Variants in WWC1 observed in about 807,000 individuals in gnomAD.
The protein encoded by WWC1 is protein KIBRA.
Under a neutral mutation model 138.4 loss-of-function variants are expected in WWC1, and 55 were observed. That is an observed-to-expected ratio of 0.40 (90% CI 0.32 to 0.50). The LOEUF is 0.50. Ranked by LOEUF, WWC1 falls within the 20% of genes least tolerant of loss-of-function variation. The pLI is 0.72. For synonymous variants in WWC1, 524 were observed against 564.9 expected (o/e 0.93, Z 1.03); for missense variants, 1,226 against 1,420.4 (o/e 0.86, Z 2.20).
At chr5:168,406,835 G>A (rs1016076154) in intron 6 of WWC1, among the ~76,000 whole-genome samples, 3 of 151,966 alleles carry the variant, frequency 2.0e-5, no homozygotes, top group Non-Finnish European at 2.9e-5. Context: ...CCAGCTACTC[G>A]GGAGGCTGAG....
At chr5:168,398,403 A>T (rs1330925919) in intron 4 of WWC1, among the ~76,000 whole-genome samples, 1 of 152,172 alleles carries the variant, frequency 6.6e-6, no homozygotes. Flanking sequence ...CCAAGCTGTC[A>T]CCTGCATTTT....
intron 1 of WWC1, among the ~76,000 whole-genome samples, chr5:168,343,497 G>A (rs150134147): frequency 2.3e-3 from 350 of 152,276 alleles, no homozygotes; most frequent in African/African-American, 7.8e-3. Flanking sequence ...GCAGCAGCAC[G>A]CAGAGCTGGT....
At position 168,333,779 on chromosome 5, in the gene WWC1, A is replaced by G. The variant is rs1773227951; in HGVS notation, c.120-37645A>G. 2.6e-5 allele frequency among the ~76,000 whole-genome samples: 4 copies of G among 152,214 alleles called. No individual in the cohort carries two copies. The South Asian group carries it at 8.3e-4, about 32-fold the overall frequency. ...GGACTTAGGAATTGCTATCCCTTCT[A>G]TGCTGAGGACTCAGAAATTGCTATC... On this transcript the variant is annotated intron_variant, in intron 1 of 22. Coordinates refer to ENST00000265293, the MANE Select transcript of WWC1 (RefSeq NM_015238.3).
intron 1 of WWC1, among the ~76,000 whole-genome samples, chr5:168,324,155 G>T (rs1443581198): frequency 6.6e-6 from 1 of 152,204 alleles, no homozygotes; most frequent in Non-Finnish European, 1.5e-5. Flanking sequence ...ATTTTTCAGG[G>T]CCAGGTGCAG....
intron 1 of WWC1, among the ~76,000 whole-genome samples, chr5:168,342,908 G>C (rs1272413012): frequency 2.0e-5 from 3 of 152,156 alleles, no homozygotes; most frequent in Admixed American, 2.0e-4. Flanking sequence ...GTTTATCCAA[G>C]TGCCCACCAC....
At chr5:168,442,838 G>GAAA (rs201792324) in intron 16 of WWC1, among the ~76,000 whole-genome samples, 1 of 81,996 alleles carries the variant, frequency 1.2e-5, no homozygotes, top group South Asian at 3.4e-4. Flanking sequence ...CTCCATCTCA[G>GAAA]AAAAAAAAAA....
intron 3 of WWC1, among the ~76,000 whole-genome samples, chr5:168,394,885 A>G (rs1184294497): frequency 1.3e-5 from 2 of 152,174 alleles, no homozygotes; most frequent in African/African-American, 2.4e-5. Context: ...GTGCACTTCT[A>G]TGTATGTATT....
chr5:168,349,068 G>A (rs1360466454), intron 1 of WWC1, among the ~76,000 whole-genome samples: 2 of 152,126 alleles, frequency 1.3e-5, no homozygotes, highest in Non-Finnish European at 2.9e-5. Flanking sequence ...TTCAAGAGCT[G>A]GCAGGTGACA....
intron 1 of WWC1, among the ~76,000 whole-genome samples, chr5:168,304,188 A>G (rs1186751283): frequency 6.6e-6 from 1 of 152,156 alleles, no homozygotes; most frequent in East Asian, 1.9e-4. Context: ...AACTTTCTCT[A>G]TAGTTACAGA....
intron 1 of WWC1, among the ~76,000 whole-genome samples, chr5:168,334,280 G>A (rs996973861): frequency 6.6e-6 from 1 of 151,842 alleles, no homozygotes; most frequent in African/African-American, 2.4e-5. Context: ...TGGCTCACAG[G>A]ACACTCAACA....
rs940052998 is a variant in WWC1 at position 168,299,782 on chromosome 5, G to A, written c.119+7511G>A. Among the ~76,000 whole-genome samples the A allele has an allele frequency of 6.6e-5, 10 of 152,182 alleles. No homozygotes were observed. The East Asian group carries it at 7.7e-4, about 12-fold the overall frequency. On this transcript the variant is annotated intron_variant, in intron 1 of 22. Transcript: ENST00000265293. ...TAAGTGTGAGTCGAAGGTGGCCACC[G>A]TCTTGCTGCACGGTTCCCTCAGTGG... is the stretch of plus-strand genomic sequence containing the variant.
At position 168,423,686 on chromosome 5, in the gene WWC1, G is replaced by A. The variant is rs1368213369; in HGVS notation, c.1428G>A (p.Glu476=). Residue 476 remains glutamate, a synonymous_variant, in exon 11 of 23, where the codon GAG becomes GAA. Coordinates refer to ENST00000265293, the MANE Select transcript of WWC1 (RefSeq NM_015238.3). The part of the protein sequence containing the change: ...YYDPFEQLDS[E]LQSKVEFLLL... ...ACCCCTTTGAGCAGCTGGACTCAGAGCTGCAGAGCAAGGTGGAGTTCCTGC... is the reference window on the plus strand; with the variant it reads ...ACCCCTTTGAGCAGCTGGACTCAGAACTGCAGAGCAAGGTGGAGTTCCTGC... The A allele has an allele frequency of 1.2e-6, 2 of 1,614,216 alleles. No individual in the cohort carries two copies. The highest frequency in any genetic ancestry group is 1.7e-5 in the Admixed American group (1 of 60,028).
chr5:168,415,268 GGCTGCCAGAGCT>G (rs1442977031), intron 9 of WWC1: 1 of 152,152 alleles, frequency 6.6e-6, no homozygotes, highest in Non-Finnish European at 1.5e-5. Context: ...GCAGGCCTCG[GGCTGCCAGAGCT>G]GCCTGTACTT....
intron 1 of WWC1, among the ~76,000 whole-genome samples, chr5:168,344,561 TC>T (rs1774316823): frequency 6.6e-6 from 1 of 152,220 alleles, no homozygotes; most frequent in African/African-American, 2.4e-5. Context: ...GTACACAGTT[TC>T]CTGAACTAAC....
At chr5:168,442,672 A>C (rs6555811) in intron 16 of WWC1, among the ~76,000 whole-genome samples, 9,921 of 151,472 alleles carry the variant, frequency 0.065, 530 homozygotes, top group East Asian at 0.18. Context: ...CCCTGTCTCT[A>C]CTAAAATTCT....
intron 15 of WWC1, among the ~76,000 whole-genome samples, chr5:168,437,608 C>T (rs1475533001): frequency 6.6e-6 from 1 of 152,166 alleles, no homozygotes; most frequent in East Asian, 1.9e-4. Context: ...GTGCCTGGCA[C>T]ATAAGACTTC....
chr5:168,336,571 C>CAAAAAAAAAAAAAAAAAA (rs57339649), intron 1 of WWC1, among the ~76,000 whole-genome samples: 1 of 58,018 alleles, frequency 1.7e-5, no homozygotes, highest in Non-Finnish European at 3.7e-5. Context: ...GACTCTGTCT[C>CAAAAAAAAAAAAAAAAAA]AAAAAAAAAA....
intron 17 of WWC1, among the ~76,000 whole-genome samples, chr5:168,451,231 A>G (rs4976612): frequency 0.31 from 46,450 of 151,938 alleles, 8,350 homozygotes; most frequent in Middle Eastern, 0.46. Flanking sequence ...CATATTGGTC[A>G]GGCTGGTCTC....
intron 12 of WWC1, 101 bp downstream of exon 12, chr5:168,428,242 A>G (rs959206680): frequency 2.1e-5 from 25 of 1,167,468 alleles, no homozygotes; most frequent in African/African-American, 1.1e-4. Context: ...TGGCCCCCAC[A>G]GTGTGTGGGA....
Sources: allele counts gnomAD v4.1 joint callset (sites outside exome capture counted in the v4.1 genomes callset), GRCh38; gene constraint gnomAD v4.1.1; transcripts MANE v1.5; gene names NCBI Gene and HGNC (gene_info 2026-07-23, HGNC 2026-07-21).